Variants in PCSK5 observed in about 807,000 individuals in gnomAD.
PCSK5 encodes prohormone convertase 5.
Under a neutral mutation model 233.2 loss-of-function variants are expected in PCSK5, and 129 were observed. That is an observed-to-expected ratio of 0.55 (90% CI 0.48 to 0.64). The LOEUF (loss-of-function observed/expected upper bound fraction) is 0.64. Ranked by LOEUF, PCSK5 falls within the 30% of genes least tolerant of loss-of-function variation. The pLI is 0.00. For synonymous variants in PCSK5, 825 were observed against 879.2 expected (o/e 0.94, Z 1.09); for missense variants, 2,076 against 2,430.1 (o/e 0.85, Z 3.06).
intron 2 of PCSK5, among the ~76,000 whole-genome samples, chr9:75,958,936 C>T (rs1825215833): frequency 1.3e-5 from 2 of 152,186 alleles, no homozygotes; most frequent in Admixed American, 6.5e-5. Context: ...GGCTGATAGA[C>T]ACAGAAGCTG....
chr9:75,987,133 T>C (rs1227838053), intron 3 of PCSK5, among the ~76,000 whole-genome samples: 1 of 152,206 alleles, frequency 6.6e-6, no homozygotes, highest in Non-Finnish European at 1.5e-5. Flanking sequence ...CATGAATCCA[T>C]AGCATTCCCA....
At chr9:76,146,335 A>AG (rs1453739444) in intron 10 of PCSK5, among the ~76,000 whole-genome samples, 1 of 151,992 alleles carries the variant, frequency 6.6e-6, no homozygotes, top group Non-Finnish European at 1.5e-5. Flanking sequence ...ATAAAAAAAA[A>AG]TAGCCAAAGC....
chr9:76,233,744 CTTTCTGCTTG>C, intron 22 of PCSK5, 148 bp downstream of exon 22: 1 of 710,574 alleles, frequency 1.4e-6, no homozygotes, highest in South Asian at 1.9e-5. Context: ...CAACCTTGAA[CTTTCTGCTTG>C]CTGTCAGTAC....
At chr9:76,330,138 T>C (rs942655440) in intron 33 of PCSK5, among the ~76,000 whole-genome samples, 1 of 152,168 alleles carries the variant, frequency 6.6e-6, no homozygotes, top group African/African-American at 2.4e-5. Context: ...CAGCTCCTCA[T>C]CAAAATTTCC....
At chr9:76,325,557 G>A (rs529292585) in intron 32 of PCSK5, among the ~76,000 whole-genome samples, 81 of 152,326 alleles carry the variant, frequency 5.3e-4, no homozygotes, top group African/African-American at 1.9e-3. Context: ...GCTTTGAGAA[G>A]TTAAGCACTT....
intron 29 of PCSK5, among the ~76,000 whole-genome samples, chr9:76,310,247 CA>C (rs766099144): frequency 2.0e-3 from 226 of 110,396 alleles, no homozygotes; most frequent in Admixed American, 2.8e-3. Flanking sequence ...GACTCCTTCT[CA>C]AAAAAAAAAA....
Position 76,332,509 on chromosome 9 carries a change from C to T in PCSK5, c.4647C>T (p.Ser1549=), listed in dbSNP as rs1479201087. 1 of 1,612,512 alleles carries T rather than the reference C, an allele frequency of 6.2e-7. No homozygotes were observed. Among genetic ancestry groups the T allele is most frequent in the Admixed American group, 1.7e-5 (1 of 60,030 alleles). Residue 1549 remains serine (S), a synonymous_variant, in exon 34 of 38, where the codon AGC becomes AGT. Coordinates refer to ENST00000674117, the MANE Select transcript of PCSK5 (RefSeq NM_001372043.1). ...EDSNRCAHCH[S]SCRTCEGRHS... Reference sequence around the variant, plus strand: ...GCAACCGGTGTGCCCACTGCCACAGCTCTTGCAGGACATGTGAAGGGAGAC... The same window carrying T: ...GCAACCGGTGTGCCCACTGCCACAGTTCTTGCAGGACATGTGAAGGGAGAC...
intron 9 of PCSK5, among the ~76,000 whole-genome samples, chr9:76,124,472 T>C (rs1057202503): frequency 1.3e-5 from 2 of 151,658 alleles, no homozygotes; most frequent in Non-Finnish European, 2.9e-5. Flanking sequence ...AGTGGCCGGG[T>C]GCAGTGGCTC....
At position 76,362,917 on chromosome 9, in the gene PCSK5, G is replaced by A. The variant is rs1004942675; in HGVS notation, c.*3995G>A. ...CAGGAATTGCTCACTCGGGGAGCTC[G>A]GCTCTTGAGACAGGAGTCTTGCCGA... On this transcript the variant is annotated 3_prime_UTR_variant, in exon 38 of 38. Transcript: ENST00000674117. Among the ~76,000 whole-genome samples the A allele has an allele frequency of 2.6e-5, 4 of 152,136 alleles. No individual in the cohort carries two copies. The highest frequency in any genetic ancestry group is 4.4e-5 in the Non-Finnish European group (3 of 68,024).
intron 9 of PCSK5, among the ~76,000 whole-genome samples, chr9:76,115,324 A>C (rs1832382018): frequency 6.6e-6 from 1 of 152,140 alleles, no homozygotes; most frequent in Non-Finnish European, 1.5e-5. Flanking sequence ...CATGATTGCT[A>C]TAAGTGACTG....
chr9:76,302,596 C>T (rs1336239115), intron 28 of PCSK5, among the ~76,000 whole-genome samples: 1 of 152,172 alleles, frequency 6.6e-6, no homozygotes, highest in African/African-American at 2.4e-5. Flanking sequence ...CTGGAAAAAA[C>T]TAAGTGGTTA....
chr9:76,052,985 C>T (rs1454745081), intron 5 of PCSK5, among the ~76,000 whole-genome samples: 1 of 152,234 alleles, frequency 6.6e-6, no homozygotes, highest in Non-Finnish European at 1.5e-5. Flanking sequence ...TCCTTTGACT[C>T]CATGTCTCAC....
intron 24 of PCSK5, among the ~76,000 whole-genome samples, chr9:76,244,694 G>A (rs1300272107): frequency 1.3e-5 from 2 of 151,724 alleles, no homozygotes; most frequent in African/African-American, 4.8e-5. Flanking sequence ...TTCCTGGGTG[G>A]ACCTAGCTAT....
At chr9:76,120,944 A>T (rs1288423832) in intron 9 of PCSK5, among the ~76,000 whole-genome samples, 1 of 152,018 alleles carries the variant, frequency 6.6e-6, no homozygotes, top group African/African-American at 2.4e-5. Context: ...GAATCCCAGG[A>T]TTGTTGCTAG....
chr9:76,103,141 A>AT, intron 8 of PCSK5, among the ~76,000 whole-genome samples: 1 of 152,048 alleles, frequency 6.6e-6, no homozygotes, highest in East Asian at 1.9e-4. Context: ...GTTCTTTTTT[A>AT]TTTTACTGTG....
At chr9:76,171,192 C>G (rs1032288026) in intron 13 of PCSK5, among the ~76,000 whole-genome samples, 2 of 152,174 alleles carry the variant, frequency 1.3e-5, no homozygotes, top group Non-Finnish European at 2.9e-5. Flanking sequence ...TCTTCATAAT[C>G]TACATTAGTT....
chr9:76,316,740 CAAAAAAAAAAAA>C (rs58485029), intron 30 of PCSK5, among the ~76,000 whole-genome samples: 21 of 64,622 alleles, frequency 3.2e-4, no homozygotes, highest in South Asian at 5.3e-4. Context: ...CTTGTCTCAC[CAAAAAAAAAAAA>C]AAAAAAAAAA....
chr9:76,235,751 G>C lies in PCSK5; in HGVS notation c.2866+2155G>C, dbSNP rs145822710. 7.1e-3 allele frequency among the ~76,000 whole-genome samples: 1,083 copies of C among 152,288 alleles called. 9 individuals carry two copies. The highest frequency in any genetic ancestry group is 0.011 in the Non-Finnish European group (773 of 68,014). On this transcript the variant is annotated intron_variant, in intron 22 of 37. Coordinates refer to ENST00000674117, the MANE Select transcript of PCSK5 (RefSeq NM_001372043.1). ...CTTCCAGCTGTAATGAGCAGAGAAG[G>C]CTTCCTCGAGGTGGGGTGTTGTTTA...
At chr9:76,264,792 G>T (rs1312494313) in intron 24 of PCSK5, among the ~76,000 whole-genome samples, 1 of 152,154 alleles carries the variant, frequency 6.6e-6, no homozygotes, top group Non-Finnish European at 1.5e-5. Flanking sequence ...ATGTAAAGTA[G>T]TTCAGCCACT....
Sources: gnomAD v4.1 joint callset for allele counts (sites outside exome capture counted in the v4.1 genomes callset) on GRCh38, gnomAD v4.1.1 for gene constraint, MANE v1.5 for transcripts, NCBI Gene and HGNC (gene_info 2026-07-23, HGNC 2026-07-21) for gene names.